GNE: variants seen among roughly 807,000 people sequenced by gnomAD.
GNE encodes glucosamine (UDP-N-acetyl)-2-epimerase/N-acetylmannosamine kinase, also known as bifunctional UDP-N-acetylglucosamine 2-epimerase/N-acetylmannosamine kinase.
GNE carries 41 observed loss-of-function variants against 61.8 expected under a neutral mutation model. The ratio of observed to expected loss-of-function variants is 0.66; its 90% CI spans 0.52 to 0.86. The LOEUF (loss-of-function observed/expected upper bound fraction) is 0.86. GNE is among the 40% of genes least tolerant of loss of function. GNE has a pLI of 0.00. For synonymous variants in GNE, 264 were observed against 326.4 expected (o/e 0.81, Z 2.06); for missense variants, 608 against 909.1 (o/e 0.67, Z 4.26).
intron 1 of GNE, 105 bp downstream of exon 1, chr9:36,258,216 G>T: frequency 1.6e-6 from 1 of 609,410 alleles, no homozygotes; most frequent in Non-Finnish European, 2.1e-6. Context: ...CGGTGGGGTG[G>T]AAAGCGGCCG....
Position 36,276,915 on chromosome 9 carries a change from C to T in GNE, c.30G>A (p.Glu10=), listed in dbSNP as rs780649483. 9.3e-6 allele frequency: 15 copies of T among 1,612,716 alleles called. No individual in the cohort carries two copies. Among genetic ancestry groups the T allele is most frequent in the Non-Finnish European group, 1.2e-5 (14 of 1,179,186 alleles). Residue 10 remains glutamate, a synonymous_variant, in exon 1 of 12, where the codon GAG becomes GAA. Transcript: ENST00000396594. ...TTACATGAGGTCCTTGAAAGCATGACTCCCTCTGCAGATAACCATAGGTTT... is the reference window on the plus strand; with the variant it reads ...TTACATGAGGTCCTTGAAAGCATGATTCCCTCTGCAGATAACCATAGGTTT...
At chr9:36,271,181 C>G (rs1831016127) in intron 1 of GNE, among the ~76,000 whole-genome samples, 1 of 152,190 alleles carries the variant, frequency 6.6e-6, no homozygotes, top group South Asian at 2.1e-4. Context: ...CCGGATCCTT[C>G]TGCCCCAAAG....
rs1828209905 is a variant in GNE, at chr9:36,215,086, A to AGGC, written c.*2276_*2278dup. On this transcript the variant is annotated 3_prime_UTR_variant, in exon 12 of 12. Coordinates refer to ENST00000642385, the MANE Select transcript of GNE (RefSeq NM_005476.7). Reference sequence around the variant, plus strand: ...ACACCTGTAATCCCAGCACTTTGGGAGGCAGAGGCGGGCGGATCACCTGAG... The same window carrying AGGC: ...ACACCTGTAATCCCAGCACTTTGGGAGGCGGCAGAGGCGGGCGGATCACCTGAG... 1.3e-5 allele frequency: 2 copies of AGGC among 152,120 alleles called. No individual in the cohort carries two copies. The highest frequency in any genetic ancestry group is 2.4e-5 in the African/African-American group (1 of 41,398). 9.4% of individuals were successfully genotyped at this position (152,120 alleles called of 1,614,324 possible).
chr9:36,223,231 C>G (rs1563930545), intron 8 of GNE, 142 bp downstream of exon 8: 15 of 870,360 alleles, frequency 1.7e-5, no homozygotes. Context: ...CAGGAAGTCC[C>G]CATGCTTGGG....
At chr9:36,253,424 C>T (rs1452291508) in intron 1 of GNE, among the ~76,000 whole-genome samples, 1 of 151,148 alleles carries the variant, frequency 6.6e-6, no homozygotes, top group East Asian at 2.0e-4. Context: ...TACAGGTGCC[C>T]GCCACCACAC....
At chr9:36,253,695 A>T (rs1269724477) in intron 1 of GNE, among the ~76,000 whole-genome samples, 2 of 152,148 alleles carry the variant, frequency 1.3e-5, no homozygotes, top group Admixed American at 6.6e-5. Flanking sequence ...GCTGGCCATC[A>T]GCTTTTCAAA....
chr9:36,253,464 G>A (rs1439440192), intron 1 of GNE, among the ~76,000 whole-genome samples: 3 of 151,064 alleles, frequency 2.0e-5, no homozygotes, highest in Non-Finnish European at 2.9e-5. Flanking sequence ...TTTTAGCAGA[G>A]ACGGGGTTTC....
intron 6 of GNE, among the ~76,000 whole-genome samples, chr9:36,228,567 C>A (rs35346335): frequency 0.17 from 26,430 of 151,516 alleles, 2,506 homozygotes; most frequent in Non-Finnish European, 0.21. Flanking sequence ...CTGAGGCAGG[C>A]GGATCACCTG....
intron 1 of GNE, among the ~76,000 whole-genome samples, chr9:36,274,403 C>T (rs1012291972): frequency 6.6e-6 from 1 of 152,062 alleles, no homozygotes; most frequent in African/African-American, 2.4e-5. Flanking sequence ...GCTCTTACAC[C>T]TTTGTTAAAT....
chr9:36,228,671 G>A (rs1224387695), intron 6 of GNE, among the ~76,000 whole-genome samples: 1 of 151,466 alleles, frequency 6.6e-6, no homozygotes, highest in Non-Finnish European at 1.5e-5. Context: ...GTGCGCACCT[G>A]TAATCCCAGC....
chr9:36,258,678 C>T (rs1435207490), upstream of GNE, among the ~76,000 whole-genome samples: 1 of 152,232 alleles, frequency 6.6e-6, no homozygotes, highest in East Asian at 1.9e-4. Context: ...GCTGTCCTGC[C>T]AGCTTGTGCT....
intron 1 of GNE, among the ~76,000 whole-genome samples, chr9:36,270,279 C>A (rs1468015716): frequency 6.6e-6 from 1 of 152,058 alleles, no homozygotes; most frequent in African/African-American, 2.4e-5. Flanking sequence ...CAGATCTTAT[C>A]ATCTTATTTC....
chr9:36,240,069 G>A (rs576555207), intron 3 of GNE, among the ~76,000 whole-genome samples: 81 of 152,142 alleles, frequency 5.3e-4, no homozygotes, highest in African/African-American at 1.6e-3. Context: ...TTCTGGAGGT[G>A]TCCTTAGGAT....
chr9:36,237,776 T>G (rs1170734135), intron 3 of GNE, among the ~76,000 whole-genome samples: 1 of 152,140 alleles, frequency 6.6e-6, no homozygotes. Context: ...AGCAGTATAC[T>G]CTGTACCATA....
Position 36,216,359 on chromosome 9 carries a change from G to GTGTGTGT in GNE, c.*1005_*1006insACACACA. The GTGTGTGT allele has an allele frequency of 2.0e-5, 8 of 400,530 alleles. No individual in the cohort carries two copies. Among genetic ancestry groups the GTGTGTGT allele is most frequent in the Non-Finnish European group, 3.1e-5 (6 of 190,938 alleles). The allele number at this position is 400,530 out of a possible 1,614,324, so 24.8% of individuals were successfully genotyped here. On this transcript the variant is annotated 3_prime_UTR_variant, in exon 12 of 12. Coordinates refer to ENST00000642385, the MANE Select transcript of GNE (RefSeq NM_005476.7). ...TGTGTGTGTGTGTGTGTGTGTAGAC[G>GTGTGTGT]GAGTCTCGCTCTGTCACCCAGGGTG...
intron 6 of GNE, 40 bp downstream of exon 6, chr9:36,228,981 C>A (rs1179700586): frequency 9.3e-7 from 1 of 1,073,814 alleles, no homozygotes; most frequent in Non-Finnish European, 1.5e-6. Context: ...GAAGGTAGCT[C>A]CCCTTTTAAA....
intron 1 of GNE, among the ~76,000 whole-genome samples, chr9:36,274,396 C>T (rs1831172394): frequency 6.6e-6 from 1 of 152,236 alleles, no homozygotes; most frequent in Middle Eastern, 3.4e-3. Context: ...GTGTCAGGCT[C>T]TTACACCTTT....
rs750749076 is a variant in GNE, at chr9:36,219,859, C to T, written c.1795G>A (p.Glu599Lys). The T allele has an allele frequency of 1.2e-6, 2 of 1,614,082 alleles. No homozygotes were observed. ...CAACCATCATGGAGCTTTTTTGCCT[C>T]CCTCTGCAAGGCCATTCCAGAGGCG... ...AYASGMALQREAKKLHDEDLL... is the reference protein window; with the variant it reads ...AYASGMALQRKAKKLHDEDLL... Residue 599 changes from glutamate (E) to lysine (K), a missense_variant, in exon 10 of 12, where the codon GAG becomes AAG. By Grantham distance (56) the Glu-to-Lys change is moderately conservative. Transcript: ENST00000642385.
chr9:36,257,801 TCAAAAAAAAAAA>T (rs1425533032), intron 1 of GNE, among the ~76,000 whole-genome samples: 3 of 5,362 alleles, frequency 5.6e-4, no homozygotes, highest in African/African-American at 2.1e-3. Context: ...AGACTCAGTC[TCAAAAAAAAAAA>T]AAAAAAAAAA....
Sources: allele counts gnomAD v4.1 joint callset (sites outside exome capture counted in the v4.1 genomes callset), GRCh38; gene constraint gnomAD v4.1.1; transcripts MANE v1.5; gene names NCBI Gene and HGNC (gene_info 2026-07-23, HGNC 2026-07-21).